The following GRIP1 variants were observed in gnomAD, a reference collection of about 807,000 sequenced individuals.
The protein encoded by GRIP1 is glutamate receptor interacting protein 1.
In GRIP1, 45 loss-of-function variants were observed where a neutral mutation model predicts 129.9. That is an observed-to-expected ratio of 0.35 (90% CI 0.27 to 0.44). The LOEUF (loss-of-function observed/expected upper bound fraction) is 0.44, where lower values mean the gene tolerates loss of function less well. Among genes scored for constraint, GRIP1 ranks in the 20% least tolerant of loss-of-function variants. The pLI, the probability that GRIP1 is intolerant of heterozygous loss-of-function variation, is 1.00. For synonymous variants in GRIP1, 530 were observed against 520.8 expected, an observed-to-expected ratio of 1.02 and a Z score of -0.24; for missense variants, 1,196 against 1,396.8, an observed-to-expected ratio of 0.86 and a Z score of 2.29.
chr12:67,003,478 G>C (rs1373508585), intron 1 of GRIP1, among the ~76,000 whole-genome samples: 1 of 152,036 alleles, frequency 6.6e-6, no homozygotes, highest in Non-Finnish European at 1.5e-5. Flanking sequence ...GATTGCCTGA[G>C]CTCAGGAGTT....
chr12:66,617,722 A>C (rs1448957845), intron 1 of GRIP1, among the ~76,000 whole-genome samples: 1 of 151,416 alleles, frequency 6.6e-6, no homozygotes, highest in Admixed American at 6.6e-5. Flanking sequence ...GGCTTATGTT[A>C]TTAACAGAAA....
At chr12:66,864,645 T>C (rs1048709671) in intron 1 of GRIP1, among the ~76,000 whole-genome samples, 2 of 152,074 alleles carry the variant, frequency 1.3e-5, no homozygotes, top group Non-Finnish European at 2.9e-5. Context: ...TTGAGTTTAG[T>C]AGCTCAAGGT....
chr12:66,470,075 C>T (rs11176208), intron 7 of GRIP1, among the ~76,000 whole-genome samples: 52,449 of 152,016 alleles, frequency 0.35, 9,507 homozygotes, highest in Non-Finnish European at 0.4. Context: ...TGATCACCAC[C>T]TTAGCCCAAC....
intron 7 of GRIP1, among the ~76,000 whole-genome samples, chr12:66,471,793 C>A (rs958551028): frequency 6.6e-6 from 1 of 152,170 alleles, no homozygotes; most frequent in Non-Finnish European, 1.5e-5. Flanking sequence ...TAGTTTCCAA[C>A]ATCTGTTCCC....
chr12:66,451,626 T>C (rs12809695), intron 11 of GRIP1, among the ~76,000 whole-genome samples: 1 of 151,844 alleles, frequency 6.6e-6, no homozygotes, highest in African/African-American at 2.4e-5. Flanking sequence ...CCCAAACTGG[T>C]CTCAAACTCC....
At chr12:66,393,815 A>C (rs973029736) in intron 17 of GRIP1, among the ~76,000 whole-genome samples, 9 of 152,184 alleles carry the variant, frequency 5.9e-5, no homozygotes, top group African/African-American at 2.2e-4. Flanking sequence ...TTCTGAAAAC[A>C]CAGCAGCTAA....
chr12:66,907,479 C>A (rs2040953089), intron 1 of GRIP1, among the ~76,000 whole-genome samples: 1 of 152,094 alleles, frequency 6.6e-6, no homozygotes, highest in African/African-American at 2.4e-5. Flanking sequence ...GGGTTACATT[C>A]AGCAAATGAA....
chr12:66,914,308 G>A (rs1392056304), intron 1 of GRIP1, among the ~76,000 whole-genome samples: 1 of 152,046 alleles, frequency 6.6e-6, no homozygotes, highest in East Asian at 1.9e-4. Context: ...AACAATATAG[G>A]TAAAGTTTAT....
In GRIP1 at chr12:66,696,804, C is replaced by CAAAAAAAAA. The variant is rs35445606; in HGVS notation, c.-419-66477_-419-66469dup. 7.8e-4 allele frequency among the ~76,000 whole-genome samples: 81 copies of CAAAAAAAAA among 103,742 alleles called. 1 individual carries two copies. The highest frequency in any genetic ancestry group is 3.2e-3 in the African/African-American group (78 of 24,730). 68.1% of individuals were successfully genotyped at this position (103,742 alleles called of 152,430 possible). The stretch of plus-strand genomic sequence containing the variant: ...TGGGTGACAGAGCAAGACTCTGTCT[C>CAAAAAAAAA]AAAAAAAAAAAAAAAAAAAAAAAAA... On this transcript the variant is annotated intron_variant, in intron 1 of 4. Coordinates refer to the GRIP1 transcript ENST00000538373.
chr12:66,615,433 C>T (rs1387539250), intron 1 of GRIP1, among the ~76,000 whole-genome samples: 1 of 152,082 alleles, frequency 6.6e-6, no homozygotes, highest in Non-Finnish European at 1.5e-5. Context: ...CCCACTGCAG[C>T]TTCAAGTAGA....
chr12:66,841,770 C>T (rs1051677017), intron 1 of GRIP1, among the ~76,000 whole-genome samples: 1 of 152,108 alleles, frequency 6.6e-6, no homozygotes, highest in Non-Finnish European at 1.5e-5. Context: ...CTAAAGAAGC[C>T]TTTATCGCTT....
At chr12:66,944,211 C>T (rs773899438) in intron 1 of GRIP1, among the ~76,000 whole-genome samples, 1 of 152,124 alleles carries the variant, frequency 6.6e-6, no homozygotes, top group South Asian at 2.1e-4. Context: ...GGCTTTTGAT[C>T]TGCTAATAAA....
chr12:66,839,844 C>T (rs927882952), intron 1 of GRIP1, among the ~76,000 whole-genome samples: 22 of 152,204 alleles, frequency 1.4e-4, no homozygotes, highest in African/African-American at 5.3e-4. Context: ...TTCAGATTAA[C>T]AGAGAGCCAG....
chr12:66,694,297 T>C (rs2035078370), intron 1 of GRIP1, among the ~76,000 whole-genome samples: 1 of 152,196 alleles, frequency 6.6e-6, no homozygotes, highest in African/African-American at 2.4e-5. Flanking sequence ...GTGGCCATTA[T>C]GAGCTTTGTA....
chr12:67,003,933 C>T (rs550025330), intron 1 of GRIP1, among the ~76,000 whole-genome samples: 2 of 152,230 alleles, frequency 1.3e-5, no homozygotes, highest in Non-Finnish European at 2.9e-5. Context: ...ACGTTCCTTC[C>T]AGGTGCCCTT....
chr12:66,764,133 A>T (rs10878505), intron 1 of GRIP1, among the ~76,000 whole-genome samples: 1 of 152,122 alleles, frequency 6.6e-6, no homozygotes, highest in Admixed American at 6.5e-5. Context: ...ATAAACAATC[A>T]TTTGGAAAAA....
chr12:67,069,123 G>C (rs1165201378), exon 1 of GRIP1: 9 of 984,748 alleles, frequency 9.1e-6, no homozygotes, highest in Non-Finnish European at 9.6e-6. Flanking sequence ...CGCTCCCTGC[G>C]CTCGCTGTCG....
intron 19 of GRIP1, among the ~76,000 whole-genome samples, chr12:66,391,533 T>C (rs1430866711): frequency 6.6e-6 from 1 of 152,226 alleles, no homozygotes; most frequent in African/African-American, 2.4e-5. Flanking sequence ...TACTTTCCTA[T>C]ATTGTGATTA....
At chr12:66,461,488 C>G (rs940438809) in intron 9 of GRIP1, among the ~76,000 whole-genome samples, 1 of 152,200 alleles carries the variant, frequency 6.6e-6, no homozygotes, top group Non-Finnish European at 1.5e-5. Context: ...GAATGGTGTG[C>G]ATCCTTGTGA....
Sources: gnomAD v4.1 joint callset for allele counts (sites outside exome capture counted in the v4.1 genomes callset) on GRCh38, gnomAD v4.1.1 for gene constraint, MANE v1.5 for transcripts, NCBI Gene and HGNC (gene_info 2026-07-23, HGNC 2026-07-21) for gene names.